POU2F2: variants seen among roughly 807,000 people sequenced by gnomAD.
POU2F2 encodes the protein POU domain, class 2, transcription factor 2.
A neutral mutation model predicts 63.5 loss-of-function variants in POU2F2; 14 were observed. The ratio of observed to expected loss-of-function variants is 0.22; its 90% CI spans 0.15 to 0.34. The LOEUF (loss-of-function observed/expected upper bound fraction) is 0.34. Among genes scored for constraint, POU2F2 ranks in the 10% least tolerant of loss-of-function variants. The pLI is 1.00. For synonymous variants in POU2F2, 306 were observed against 348.6 expected, an observed-to-expected ratio of 0.88 and a Z score of 1.36; for missense variants, 607 against 815.2, an observed-to-expected ratio of 0.74 and a Z score of 3.11.
In POU2F2 at chr19:42,137,981, G is replaced by A. The variant is rs186297584; in HGVS notation, c.-8-15405C>T. 3.9e-5 allele frequency among the ~76,000 whole-genome samples: 6 copies of A among 152,302 alleles called. No homozygotes were observed. In the East Asian group the frequency reaches 1.2e-3, roughly 29 times the overall value. The stretch of plus-strand genomic sequence containing the variant: ...AGAGAAGATAGGAGACGAGGTGTGA[G>A]GTGGAGAGGCGGCCAGGGCCAGATC... On this transcript the variant is annotated intron_variant, in intron 2 of 6. Coordinates refer to the POU2F2 transcript ENST00000524801.
intron 2 of POU2F2, among the ~76,000 whole-genome samples, chr19:42,157,962 C>T (rs992635533): frequency 2.0e-5 from 3 of 152,138 alleles, no homozygotes; most frequent in African/African-American, 7.2e-5. Context: ...GGCTCCAGCT[C>T]CCACATAGAG....
rs1034608304 is a variant in POU2F2, at chr19:42,162,004, G to A, written c.-69-1612C>T. 8.5e-5 allele frequency among the ~76,000 whole-genome samples: 13 copies of A among 152,210 alleles called. No individual in the cohort carries two copies. Among genetic ancestry groups the A allele is most frequent in the South Asian group, 4.1e-4 (2 of 4,834 alleles). On this transcript the variant is annotated intron_variant, in intron 1 of 6. Transcript: ENST00000524801. This position sits in a 1 kb window ranked among gnomAD's most constrained non-coding sequence, Gnocchi z 4.1. ...CGATTCCCAGTCAAAACAATTAGCC[G>A]CGCTGAGTGTTGAACACGGTGGCGA...
chr19:42,117,314 G>C lies in POU2F2; in HGVS notation c.305C>G (p.Pro102Arg), dbSNP rs2032043653. 1.3e-6 allele frequency: 2 copies of C among 1,521,456 alleles called. No homozygotes were observed. Among genetic ancestry groups the C allele is most frequent in the Non-Finnish European group, 1.7e-6 (2 of 1,145,230 alleles). The allele number at this position is 1,521,456 out of a possible 1,614,324, so 94.2% of individuals were successfully genotyped here. A position where few individuals can be genotyped will look rare whatever the true frequency, so the allele number is the denominator to read the frequency against. ...GGGCAGATGAGGCTGGGCCGGCTGA[G>C]GGGGCAGGGGTGCTGCTGGGGCTGA... ...GDSAPAAPLP[P>R]QPAQPHLPQA... Residue 102 changes from proline (P) to arginine (R), a missense_variant, in exon 5 of 15, where the codon CCT becomes CGT. By Grantham distance (103) the Pro-to-Arg change is moderately radical. Around this residue, in one of 7 missense-constraint regions of POU2F2, gnomAD observed 224 missense variants for 264.3 expected, o/e 0.85. Transcript: ENST00000692977. The surrounding 1 kb of genome is among the most constrained non-coding windows in gnomAD (Gnocchi z 4.4).
chr19:42,094,414 C>G (rs2076844409), intron 11 of POU2F2, among the ~76,000 whole-genome samples: 1 of 152,142 alleles, frequency 6.6e-6, no homozygotes, highest in Non-Finnish European at 1.5e-5. Flanking sequence ...CTGGGACCAT[C>G]AGCTTCCTTC....
At chr19:42,196,139 C>T (rs1205319006) in intron 1 of POU2F2, among the ~76,000 whole-genome samples, 1 of 152,126 alleles carries the variant, frequency 6.6e-6, no homozygotes, top group Non-Finnish European at 1.5e-5. Flanking sequence ...GTGCCCCCAG[C>T]GTCCCCTGGG....
intron 5 of POU2F2, among the ~76,000 whole-genome samples, chr19:42,116,448 G>C (rs1396948667): frequency 6.6e-6 from 1 of 152,118 alleles, no homozygotes; most frequent in Non-Finnish European, 1.5e-5. Context: ...CTCCCAGCGA[G>C]ATGCACAGGA....
chr19:42,171,045 G>T (rs1307108233), intron 1 of POU2F2, among the ~76,000 whole-genome samples: 1 of 152,244 alleles, frequency 6.6e-6, no homozygotes, highest in Admixed American at 6.5e-5. Flanking sequence ...CGGACCAATG[G>T]AACCCTTTTG....
At chr19:42,097,487 C>T (rs963537895) in intron 7 of POU2F2, among the ~76,000 whole-genome samples, 8 of 150,386 alleles carry the variant, frequency 5.3e-5, no homozygotes, top group Non-Finnish European at 7.4e-5. Context: ...GTGACCACTG[C>T]GCCCTGCCTT....
rs775888023 is a variant in POU2F2, at chr19:42,092,192, G to A, written c.1343C>T (p.Ala448Val). The A allele has an allele frequency of 2.3e-5, 36 of 1,551,266 alleles. No homozygotes were observed. Among genetic ancestry groups the A allele is most frequent in the Admixed American group, 1.0e-4 (5 of 48,286 alleles). Residue 448 changes from alanine to valine, a missense_variant, in exon 13 of 15, where the codon GCG (alanine) becomes GTG (valine). Ala to Val is a moderately conservative substitution (Grantham distance 64). Transcript: ENST00000692977. This position sits in a 1 kb window ranked among gnomAD's most constrained non-coding sequence, Gnocchi z 5.0. The stretch of plus-strand genomic sequence containing the variant: ...AGAGGGGATGGAATTGAGGGGGGGC[G>A]CAGCCCCGCCCCCGCCCCCACCCCC... ...AGGGGGGGGA[A>V]PPLNSIPSVT...
Position 42,090,954 on chromosome 19 carries a change from T to G in POU2F2, c.*303A>C. 4.0e-6 allele frequency: 1 copy of G among 252,758 alleles called. No individual in the cohort carries two copies. The allele number at this position is 252,758 out of a possible 1,614,324, so 15.7% of individuals were successfully genotyped here. On this transcript the variant is annotated 3_prime_UTR_variant, in exon 15 of 15. Coordinates refer to ENST00000692977, the MANE Select transcript of POU2F2 (RefSeq NM_001394376.1). This position sits in a 1 kb window ranked among gnomAD's most constrained non-coding sequence, Gnocchi z 4.4. ...TCTGGCTCGCGACTGGTTTTTTGGT[T>G]TGTTTGATTTTGTGGGTTTTTTTTT...
At chr19:42,173,528 T>G (rs1599715334) in intron 1 of POU2F2, among the ~76,000 whole-genome samples, 2 of 140,590 alleles carry the variant, frequency 1.4e-5, no homozygotes, top group South Asian at 2.3e-4. Context: ...AGAATGGAGG[T>G]GGCCTGGAGT....
intron 5 of POU2F2, among the ~76,000 whole-genome samples, chr19:42,110,319 A>G (rs2030870761): frequency 6.6e-6 from 1 of 152,168 alleles, no homozygotes; most frequent in Non-Finnish European, 1.5e-5. Context: ...TTAAAATTAA[A>G]ATGAGGTCAG....
In POU2F2 at chr19:42,162,464, G is replaced by C. The variant is rs1343620225; in HGVS notation, c.-69-2072C>G. 6.6e-6 allele frequency among the ~76,000 whole-genome samples: 1 copy of C among 152,130 alleles called. No individual in the cohort carries two copies. The highest frequency in any genetic ancestry group is 1.5e-5 in the Non-Finnish European group (1 of 68,026). ...GATGGGGACCCTGAGGAACAGAGAG[G>C]GGCAGCAGCTGGCCCACAGTTACCA... On this transcript the variant is annotated intron_variant, in intron 1 of 6. Transcript: ENST00000524801. The surrounding 1 kb of genome is among the most constrained non-coding windows in gnomAD (Gnocchi z 4.1).
At chr19:42,132,256 G>C in intron 1 of POU2F2, 128 bp downstream of exon 1, 1 of 1,036,936 alleles carries the variant, frequency 9.6e-7, no homozygotes, top group South Asian at 1.5e-5. Context: ...GGGAGAGAGG[G>C]AGTTGCTAGA....
chr19:42,192,401 A>G (rs1189300736), intron 1 of POU2F2, among the ~76,000 whole-genome samples: 1 of 152,138 alleles, frequency 6.6e-6, no homozygotes, highest in African/African-American at 2.4e-5. Context: ...CCCAGTGATC[A>G]TGTTCCCTAC....
chr19:42,099,606 G>C lies in POU2F2; in HGVS notation c.488C>G (p.Thr163Arg), dbSNP rs1380917075. The stretch of plus-strand genomic sequence containing the variant: ...CTGAGGTAGCTGGAATAGATTTGGT[G>C]TCGGTAGCAGGCCTGGAAAGACAAG... ...AQQSQPGLLPTPNLFQLPQQT... is the reference protein window; with the variant it reads ...AQQSQPGLLPRPNLFQLPQQT... Residue 163 changes from threonine (T) to arginine (R), a missense_variant, in exon 7 of 15, where the codon ACA (threonine) becomes AGA (arginine). This residue lies in a region of POU2F2 where 224 missense variants were observed against 264.3 expected (regional missense o/e 0.85). Coordinates refer to ENST00000692977, the MANE Select transcript of POU2F2 (RefSeq NM_001394376.1). 6.2e-7 allele frequency: 1 copy of C among 1,613,754 alleles called. No individual in the cohort carries two copies. The highest frequency in any genetic ancestry group is 8.5e-7 in the Non-Finnish European group (1 of 1,179,764).
At chr19:42,174,816 G>C (rs572448067) in intron 1 of POU2F2, among the ~76,000 whole-genome samples, 2 of 151,994 alleles carry the variant, frequency 1.3e-5, no homozygotes, top group African/African-American at 4.8e-5. Context: ...ATCCTGGGGG[G>C]TGGAAGGACA....
rs116068269 is a variant in POU2F2 at position 42,117,754 on chromosome 19, C to T, written c.187-322G>A. Among the ~76,000 whole-genome samples, 189 of 151,504 alleles carry T rather than the reference C, an allele frequency of 1.2e-3. No homozygotes were observed. Among genetic ancestry groups the T allele is most frequent in the Non-Finnish European group, 2.2e-3 (149 of 67,856 alleles). On this transcript the variant is annotated intron_variant, in intron 4 of 14. Transcript: ENST00000692977. This position sits in a 1 kb window ranked among gnomAD's most constrained non-coding sequence, Gnocchi z 4.4. ...TAGCACTTTGGGAGGTCGAGGCAGGCGGATCACTTGGGGTCAGGAGTTTGA... is the reference window on the plus strand; with the variant it reads ...TAGCACTTTGGGAGGTCGAGGCAGGTGGATCACTTGGGGTCAGGAGTTTGA...
At chr19:42,180,263 C>T (rs767908133), upstream of POU2F2, among the ~76,000 whole-genome samples, 6 of 152,168 alleles carry the variant, frequency 3.9e-5, no homozygotes, top group Non-Finnish European at 8.8e-5. Context: ...ACATAAGAGA[C>T]ACCCATGAGC....
Sources: allele counts gnomAD v4.1 joint callset (sites outside exome capture counted in the v4.1 genomes callset), GRCh38; gene constraint gnomAD v4.1.1; regional missense constraint gnomAD v4.1.1; non-coding constraint Gnocchi (gnomAD v3.1); transcripts MANE v1.5; gene names NCBI Gene and HGNC (gene_info 2026-07-23, HGNC 2026-07-21).